Variants in SLC1A1 observed in about 807,000 individuals in gnomAD.
SLC1A1 encodes solute carrier family 1 member 1.
Under a neutral mutation model 53.3 loss-of-function variants are expected in SLC1A1, and 43 were observed. That is an observed-to-expected ratio of 0.81 (90% confidence interval 0.63 to 1.04). SLC1A1 has a LOEUF of 1.04. Ranked by LOEUF, SLC1A1 falls within the 50% of genes least tolerant of loss-of-function variation. SLC1A1 has a pLI of 0.00. For synonymous variants in SLC1A1, 307 were observed against 243.2 expected (o/e 1.26, Z -2.44); for missense variants, 748 against 664.9 (o/e 1.12, Z -1.37).
At chr9:4,506,591 C>T (rs921979333) in intron 1 of SLC1A1, among the ~76,000 whole-genome samples, 3 of 151,622 alleles carry the variant, frequency 2.0e-5, no homozygotes, top group African/African-American at 4.8e-5. Context: ...TAGAAATCTA[C>T]GTCTACTTTT....
At position 4,565,647 on chromosome 9, in the gene SLC1A1, C is replaced by G. The variant is rs114892795; in HGVS notation, c.441-400C>G. On this transcript the variant is annotated intron_variant, in intron 4 of 11. Transcript: ENST00000262352. The stretch of plus-strand genomic sequence containing the variant: ...CAATCACCTCCCACAAGGCCCCTCC[C>G]CTGACATGTGGGGATTACAATTTGA... Among the ~76,000 whole-genome samples, 867 of 152,312 alleles carry G rather than the reference C, an allele frequency of 5.7e-3. 16 individuals carry two copies. Among genetic ancestry groups the G allele is most frequent in the African/African-American group, 0.019 (810 of 41,574 alleles).
At chr9:4,555,679 C>G (rs1331318671) in intron 2 of SLC1A1, among the ~76,000 whole-genome samples, 4 of 152,176 alleles carry the variant, frequency 2.6e-5, no homozygotes, top group Non-Finnish European at 4.4e-5. Context: ...GTCCCAGGTT[C>G]TAATGGATAA....
At chr9:4,566,155 T>C in intron 5 of SLC1A1, 66 bp downstream of exon 5, 1 of 1,395,854 alleles carries the variant, frequency 7.2e-7, no homozygotes. Flanking sequence ...AAATGTTTTT[T>C]TCTGCTGTGA....
In SLC1A1 at chr9:4,572,266, G is replaced by C; in HGVS notation, c.645G>C (p.Leu215Phe). The C allele has an allele frequency of 6.2e-7, 1 of 1,614,120 alleles. No homozygotes were observed. Among genetic ancestry groups the C allele is most frequent in the East Asian group, 2.2e-5 (1 of 44,884 alleles). ...CAGATGGCATAAACGTCCTGGGCTT[G>C]ATTGTCTTTTGCCTTGTCTTTGGAC... is the stretch of plus-strand genomic sequence containing the variant. ...MYSDGINVLG[L>F]IVFCLVFGLV... is the part of the protein sequence containing the mutation. Residue 215 changes from leucine to phenylalanine, a missense_variant, in exon 7 of 12, where the codon TTG becomes TTC. Transcript: ENST00000262352.
intron 1 of SLC1A1, among the ~76,000 whole-genome samples, chr9:4,498,130 AT>A (rs1820503120): frequency 6.6e-6 from 1 of 152,192 alleles, no homozygotes; most frequent in Admixed American, 6.5e-5. Flanking sequence ...CTGTATATTC[AT>A]TCCTCAGTTC....
chr9:4,491,159 C>T (rs1264262401), intron 1 of SLC1A1, among the ~76,000 whole-genome samples: 1 of 152,200 alleles, frequency 6.6e-6, no homozygotes, highest in Non-Finnish European at 1.5e-5. Flanking sequence ...CACCCCACAC[C>T]CCCAGCCTCG....
chr9:4,534,050 G>C (rs185915603), intron 1 of SLC1A1, among the ~76,000 whole-genome samples: 1 of 152,070 alleles, frequency 6.6e-6, no homozygotes, highest in South Asian at 2.1e-4. Flanking sequence ...TCTGGGACAC[G>C]TTCAAAGCAG....
intron 5 of SLC1A1, among the ~76,000 whole-genome samples, chr9:4,566,953 C>T (rs933456789): frequency 1.1e-4 from 16 of 152,260 alleles, no homozygotes; most frequent in Admixed American, 3.3e-4. Flanking sequence ...TGCTCTCTGC[C>T]GGCCTCCACG....
intron 1 of SLC1A1, among the ~76,000 whole-genome samples, chr9:4,512,902 T>A (rs1048554436): frequency 3.9e-5 from 6 of 152,162 alleles, no homozygotes; most frequent in Non-Finnish European, 8.8e-5. Context: ...AGTGCTGAGA[T>A]TGCAGGTGTG....
At chr9:4,502,655 G>C (rs1292894169) in intron 1 of SLC1A1, among the ~76,000 whole-genome samples, 1 of 151,672 alleles carries the variant, frequency 6.6e-6, no homozygotes, top group Non-Finnish European at 1.5e-5. Context: ...ACAGAGCTAG[G>C]ATTAGCACCC....
At chr9:4,511,238 G>A (rs533749705) in intron 1 of SLC1A1, among the ~76,000 whole-genome samples, 13 of 152,070 alleles carry the variant, frequency 8.5e-5, no homozygotes, top group Non-Finnish European at 1.3e-4. Flanking sequence ...TATAGTTCTG[G>A]AGGCCAGGAT....
At position 4,544,605 on chromosome 9, in the gene SLC1A1, C is replaced by G. The variant is rs771085868; in HGVS notation, c.130C>G (p.Leu44Val). 2.5e-6 allele frequency: 4 copies of G among 1,613,602 alleles called. No homozygotes were observed. The highest frequency in any genetic ancestry group is 3.3e-5 in the Admixed American group (2 of 60,012). Residue 44 changes from leucine (L) to valine (V), a missense_variant, in exon 2 of 12, where the codon CTC becomes GTC. Coordinates refer to ENST00000262352, the MANE Select transcript of SLC1A1 (RefSeq NM_004170.6). ...AGTCTTGGTTCGAGAACACAGCAAC[C>G]TCTCAACTCTAGAGAAATTCTACTT... ...TGVLVREHSN[L>V]STLEKFYFAF...
intron 2 of SLC1A1, among the ~76,000 whole-genome samples, chr9:4,557,749 C>T (rs1818555248): frequency 6.6e-6 from 1 of 152,188 alleles, no homozygotes; most frequent in Non-Finnish European, 1.5e-5. Context: ...AGCACAAAAA[C>T]AGAACGTTTC....
At chr9:4,535,285 C>T (rs1369817239) in intron 1 of SLC1A1, among the ~76,000 whole-genome samples, 5 of 152,164 alleles carry the variant, frequency 3.3e-5, no homozygotes, top group African/African-American at 9.7e-5. Context: ...TTGCAGAAGA[C>T]ATGATTGTGT....
rs748198452 is a variant in SLC1A1, at chr9:4,585,595, C to G, written c.*37C>G. 1.2e-6 allele frequency: 2 copies of G among 1,613,358 alleles called. No individual in the cohort carries two copies. The highest frequency in any genetic ancestry group is 1.1e-5 in the South Asian group (1 of 91,036). ...GCAGATGACTGGAAACAAGGAAGGA[C>G]ATTTCCGTGAGAGTCATCTCAAACA... On this transcript the variant is annotated 3_prime_UTR_variant, in exon 12 of 12. Coordinates refer to ENST00000262352, the MANE Select transcript of SLC1A1 (RefSeq NM_004170.6).
chr9:4,523,892 T>C (rs984615907), intron 1 of SLC1A1, among the ~76,000 whole-genome samples: 2 of 152,220 alleles, frequency 1.3e-5, no homozygotes, highest in African/African-American at 4.8e-5. Context: ...ATAACACAGC[T>C]AATAAAGTGG....
rs193245960 is a variant in SLC1A1 at position 4,587,430 on chromosome 9, G to A, written c.*1872G>A. The A allele has an allele frequency of 1.3e-5, 2 of 152,258 alleles. No homozygotes were observed. The highest frequency in any genetic ancestry group is 4.8e-5 in the African/African-American group (2 of 41,536). The allele number at this position is 152,258 out of a possible 1,614,324, so 9.4% of individuals were successfully genotyped here. ...CTGTTAACTCATAAAAGAGAAGAGT[G>A]TTCCATTTCAGTCTCAATAAACACT... On this transcript the variant is annotated 3_prime_UTR_variant, in exon 12 of 12. Transcript: ENST00000262352.
In SLC1A1 at chr9:4,556,436, T is replaced by G. The variant is rs185090291; in HGVS notation, c.233-5013T>G. Reference sequence around the variant, plus strand: ...GCCATCACACCTGCTTAGTTCATTCTCATTTATCACCCCCTATAGGACAGC... The same window carrying G: ...GCCATCACACCTGCTTAGTTCATTCGCATTTATCACCCCCTATAGGACAGC... On this transcript the variant is annotated intron_variant, in intron 2 of 11. Transcript: ENST00000262352. This position sits in a 1 kb window ranked among gnomAD's most constrained non-coding sequence, Gnocchi z 4.1. 1.2e-3 allele frequency among the ~76,000 whole-genome samples: 180 copies of G among 152,316 alleles called. 3 individuals are homozygous for G. The East Asian group carries it at 0.031, about 27-fold the overall frequency.
intron 1 of SLC1A1, among the ~76,000 whole-genome samples, chr9:4,511,596 C>CACACACT (rs777710176): frequency 1.3e-5 from 2 of 151,128 alleles, no homozygotes; most frequent in African/African-American, 2.4e-5. Flanking sequence ...CACACACACA[C>CACACACT]ACACTACACT....
Sources: gnomAD v4.1 joint callset for allele counts (sites outside exome capture counted in the v4.1 genomes callset) on GRCh38, gnomAD v4.1.1 for gene constraint, Gnocchi (gnomAD v3.1) non-coding constraint, MANE v1.5 for transcripts, NCBI Gene and HGNC (gene_info 2026-07-23, HGNC 2026-07-21) for gene names.